Variants in WWOX observed in about 807,000 individuals in gnomAD.
WWOX encodes WW domain containing oxidoreductase, also known as WW domain-containing oxidoreductase.
In WWOX, 69 loss-of-function variants were observed where a neutral mutation model predicts 46.2. The observed-to-expected ratio is 1.49, with a 90% CI of 1.23 to 1.82. WWOX has a LOEUF of 1.82. WWOX is among the 40% of genes most tolerant of loss of function. WWOX has a pLI of 0.00. For missense variants in WWOX, 919 were observed against 542.6 expected, an observed-to-expected ratio of 1.69 and a Z score of -6.89; for synonymous variants, 359 against 202.6, an observed-to-expected ratio of 1.77 and a Z score of -6.56.
intron 5 of WWOX, chr16:78,237,989 C>G (rs1415255127): frequency 6.6e-6 from 1 of 152,118 alleles, no homozygotes; most frequent in Admixed American, 6.5e-5. Context: ...TGAGGGAAGC[C>G]TGGTTTACAA....
chr16:78,587,598 A>G (rs187019172), intron 8 of WWOX, among the ~76,000 whole-genome samples: 1 of 152,250 alleles, frequency 6.6e-6, no homozygotes, highest in Admixed American at 6.5e-5. Context: ...TGTTGATGAG[A>G]AGAAATGTCA....
At position 78,293,994 on chromosome 16, in the gene WWOX, A is replaced by C. The variant is rs566956362; in HGVS notation, c.517-92866A>C. Among the ~76,000 whole-genome samples, 585 of 148,936 alleles carry C rather than the reference A, an allele frequency of 3.9e-3. 4 individuals are homozygous for C. The highest frequency in any genetic ancestry group is 0.013 in the African/African-American group (535 of 40,858). On this transcript the variant is annotated intron_variant, in intron 5 of 8. Coordinates refer to ENST00000566780, the MANE Select transcript of WWOX (RefSeq NM_016373.4). ...TCTGTCTCAGAAAAAAAAAAAAAAA[A>C]AAAAAAAAAAAAAAAAGGCTTTCCT...
intron 5 of WWOX, among the ~76,000 whole-genome samples, chr16:78,190,122 C>T (rs1046079874): frequency 1.3e-5 from 2 of 152,144 alleles, no homozygotes; most frequent in Non-Finnish European, 2.9e-5. Flanking sequence ...CTGGTTTGGG[C>T]CAGTTATGGT....
At position 78,983,585 on chromosome 16, in the gene WWOX, G is replaced by T. The variant is rs190233170; in HGVS notation, c.1057-228023G>T. ...TTCAGCCTGTCTCCCTTTTCTCCTT[G>T]CCACACCACTAGATTATATTTTCTA... On this transcript the variant is annotated intron_variant, in intron 8 of 8. Coordinates refer to ENST00000566780, the MANE Select transcript of WWOX (RefSeq NM_016373.4). Among the ~76,000 whole-genome samples, 229 of 152,220 alleles carry T rather than the reference G, an allele frequency of 1.5e-3. 1 individual carries two copies. The highest frequency in any genetic ancestry group is 5.4e-3 in the African/African-American group (223 of 41,546).
intron 8 of WWOX, among the ~76,000 whole-genome samples, chr16:79,037,427 T>C (rs2047889417): frequency 6.6e-6 from 1 of 152,152 alleles, no homozygotes. Context: ...TGCTGTATGC[T>C]GGGTACTAGA....
At chr16:78,351,030 G>T (rs527533434) in intron 5 of WWOX, among the ~76,000 whole-genome samples, 28 of 152,278 alleles carry the variant, frequency 1.8e-4, no homozygotes, top group East Asian at 9.7e-4. Context: ...ATTTTGATTT[G>T]GATTTTCTTG....
At chr16:78,784,833 A>AT (rs1189691569) in intron 8 of WWOX, among the ~76,000 whole-genome samples, 2 of 152,092 alleles carry the variant, frequency 1.3e-5, no homozygotes, top group Non-Finnish European at 2.9e-5. Flanking sequence ...TCCCCAAGGG[A>AT]TACTCATGGT....
At chr16:78,418,383 GAATT>G (rs960849744) in intron 6 of WWOX, among the ~76,000 whole-genome samples, 9 of 149,350 alleles carry the variant, frequency 6.0e-5, no homozygotes, top group African/African-American at 1.7e-4. Flanking sequence ...AAAAAAAAAA[GAATT>G]AATATCAATT....
intron 5 of WWOX, among the ~76,000 whole-genome samples, chr16:78,336,867 C>A (rs1005873520): frequency 6.6e-6 from 1 of 152,126 alleles, no homozygotes; most frequent in Admixed American, 6.6e-5. Context: ...ATCTCCTCCG[C>A]CTCCCAGTTT....
At chr16:78,309,973 G>A (rs1198843205) in intron 5 of WWOX, among the ~76,000 whole-genome samples, 1 of 152,158 alleles carries the variant, frequency 6.6e-6, no homozygotes, top group African/African-American at 2.4e-5. Context: ...CGTAGAGCCA[G>A]GGTCTGGGCA....
chr16:78,772,425 T>C (rs2050087484), intron 8 of WWOX, among the ~76,000 whole-genome samples: 1 of 152,210 alleles, frequency 6.6e-6, no homozygotes, highest in Non-Finnish European at 1.5e-5. Flanking sequence ...ACTACTTTTT[T>C]TTTAATCCAA....
At chr16:78,780,527 T>C (rs2050299556) in intron 8 of WWOX, 1 of 152,184 alleles carries the variant, frequency 6.6e-6, no homozygotes, top group South Asian at 2.1e-4. Context: ...CAAGTAAATA[T>C]ACAAGATAAA....
At chr16:78,701,176 T>C (rs2048208213) in intron 8 of WWOX, among the ~76,000 whole-genome samples, 1 of 152,198 alleles carries the variant, frequency 6.6e-6, no homozygotes, top group South Asian at 2.1e-4. Flanking sequence ...GGACCTGGCA[T>C]GCAGTGAGTA....
chr16:78,897,260 A>AC (rs952478775), intron 8 of WWOX: 2 of 148,658 alleles, frequency 1.3e-5, no homozygotes, highest in East Asian at 3.9e-4. Context: ...AAAAAAAAAA[A>AC]AAAAAACCAA....
intron 8 of WWOX, among the ~76,000 whole-genome samples, chr16:79,057,810 C>T (rs1026229498): frequency 2.6e-5 from 4 of 152,132 alleles, no homozygotes; most frequent in Admixed American, 6.5e-5. Context: ...TCAGCTCTGC[C>T]ATATTGCCAA....
At chr16:78,753,826 ATAT>A (rs1463747011) in intron 8 of WWOX, among the ~76,000 whole-genome samples, 826 of 25,572 alleles carry the variant, frequency 0.032, 13 homozygotes, top group Non-Finnish European at 0.051. Flanking sequence ...AAAAAAAAAA[ATAT>A]ATATATATAT....
At chr16:78,521,056 C>A (rs574414715) in intron 8 of WWOX, among the ~76,000 whole-genome samples, 51 of 152,246 alleles carry the variant, frequency 3.3e-4, no homozygotes, top group African/African-American at 1.1e-3. Flanking sequence ...CTCCCTGAGC[C>A]TTGTAGAATT....
intron 6 of WWOX, among the ~76,000 whole-genome samples, chr16:78,413,063 G>T (rs895329400): frequency 2.0e-5 from 3 of 152,186 alleles, no homozygotes; most frequent in Admixed American, 6.5e-5. Flanking sequence ...ACCACCTAAT[G>T]GGTTCTCCTT....
chr16:78,598,515 C>G (rs568813178), intron 8 of WWOX, among the ~76,000 whole-genome samples: 37 of 152,154 alleles, frequency 2.4e-4, no homozygotes, highest in Non-Finnish European at 5.1e-4. Context: ...ATATTTCTTG[C>G]CATGGCGAGA....
Sources: allele counts gnomAD v4.1 joint callset (sites outside exome capture counted in the v4.1 genomes callset), GRCh38; gene constraint gnomAD v4.1.1; transcripts MANE v1.5; gene names NCBI Gene and HGNC (gene_info 2026-07-23, HGNC 2026-07-21).